Variants in VRK2 observed in about 807,000 individuals in gnomAD.
VRK2 encodes VRK serine/threonine kinase 2, also known as serine/threonine-protein kinase VRK2.
In VRK2, 60 loss-of-function variants were observed where a neutral mutation model predicts 57.6. That is an observed-to-expected ratio of 1.04 (90% confidence interval 0.85 to 1.29). VRK2 has a LOEUF of 1.29. Ranked by LOEUF, VRK2 falls within the 50% of genes most tolerant of loss-of-function variation. The pLI, the probability that VRK2 is intolerant of heterozygous loss-of-function variation, is 0.00. For synonymous variants in VRK2, 231 were observed against 199.2 expected (o/e 1.16, Z -1.35); for missense variants, 705 against 588.1 (o/e 1.20, Z -2.06).
intron 10 of VRK2, among the ~76,000 whole-genome samples, chr2:58,137,247 A>T (rs1362893199): frequency 7.2e-6 from 1 of 139,002 alleles, no homozygotes; most frequent in African/African-American, 3.0e-5. Context: ...TATATCATAT[A>T]TATGATATAT....
intron 1 of VRK2, among the ~76,000 whole-genome samples, chr2:57,921,619 T>C (rs531802765): frequency 1.9e-4 from 29 of 152,136 alleles, no homozygotes; most frequent in Non-Finnish European, 4.0e-4. Flanking sequence ...TAAAAAAATT[T>C]TGAAAGGTGC....
intron 1 of VRK2, among the ~76,000 whole-genome samples, chr2:57,998,370 G>T (rs1297057334): frequency 2.0e-5 from 3 of 152,038 alleles, no homozygotes; most frequent in African/African-American, 7.2e-5. Context: ...ATGTTTCCTT[G>T]ATTTAGTAGC....
At chr2:57,936,023 A>C (rs1670893133) in intron 1 of VRK2, among the ~76,000 whole-genome samples, 1 of 152,158 alleles carries the variant, frequency 6.6e-6, no homozygotes, top group African/African-American at 2.4e-5. Context: ...GGGAGAAGGA[A>C]GTGATGGTAG....
rs376642462 is a variant in VRK2, at chr2:58,096,670, T to C, written c.543+6947T>C. Among the ~76,000 whole-genome samples the C allele has an allele frequency of 2.0e-4, 31 of 151,994 alleles. No individual in the cohort carries two copies. In the South Asian group the frequency reaches 6.4e-3, roughly 32 times the overall value. ...TTGTTAATTTTTCAACAAAGTTCAA[T>C]TTTGACTCATTAATGAGATTTTTTC... On this transcript the variant is annotated intron_variant, in intron 7 of 12. Transcript: ENST00000340157.
rs537095941 is a variant in VRK2, at chr2:57,928,889, T to A, written c.-439+21050T>A. ...AGACAGAGATTTTTGTTCTCTTCCC[T>A]TACTTTCTCCCAAACAAGTGGAGTC... On this transcript the variant is annotated intron_variant, in intron 1 of 15. Transcript: ENST00000417641. Among the ~76,000 whole-genome samples the A allele has an allele frequency of 5.2e-4, 79 of 152,304 alleles. 2 individuals carry two copies. The South Asian group carries it at 7.5e-3, about 14-fold the overall frequency.
intron 1 of VRK2, among the ~76,000 whole-genome samples, chr2:57,944,566 C>G (rs1053038055): frequency 2.0e-5 from 3 of 152,170 alleles, no homozygotes; most frequent in Admixed American, 6.5e-5. Context: ...GAAACCCCGT[C>G]TCTACTAAAA....
chr2:58,047,267 G>T (rs1222053481), intron 1 of VRK2: 1 of 343,648 alleles, frequency 2.9e-6, no homozygotes, highest in Non-Finnish European at 4.1e-6. Flanking sequence ...GTTACCTTCC[G>T]CAGGGTCAGG....
Position 58,159,654 on chromosome 2 carries a change from C to T in VRK2, c.1488C>T (p.Val496=), listed in dbSNP as rs780745258. ...DVYYYRIIIP[V]LLMLVFLALF... ...ATTATTATCGCATCATCATACCTGT[C>T]CTTTTGATGTTAGTATTTCTTGCTT... is the stretch of plus-strand genomic sequence containing the variant. The change falls in exon 13 of 13, where the codon GTC becomes GTT. Residue 496 remains valine (V), a synonymous_variant. Coordinates refer to ENST00000340157, the MANE Select transcript of VRK2 (RefSeq NM_006296.7). The T allele has an allele frequency of 5.0e-6, 8 of 1,613,432 alleles. No homozygotes were observed. In the South Asian group the frequency reaches 7.7e-5, roughly 16 times the overall value.
chr2:58,086,793 T>C (rs1051137007), intron 5 of VRK2, among the ~76,000 whole-genome samples: 3 of 152,198 alleles, frequency 2.0e-5, no homozygotes, highest in African/African-American at 7.2e-5. Flanking sequence ...GGTCTTTGCA[T>C]AAGCTACCTG....
intron 12 of VRK2, among the ~76,000 whole-genome samples, chr2:58,158,365 A>G (rs1304342641): frequency 1.3e-5 from 2 of 152,140 alleles, no homozygotes. Flanking sequence ...ACTCTCAAGT[A>G]ATTTTTTTTC....
chr2:58,095,041 A>G (rs1231887138), intron 7 of VRK2, among the ~76,000 whole-genome samples: 1 of 152,176 alleles, frequency 6.6e-6, no homozygotes, highest in Admixed American at 6.5e-5. Flanking sequence ...CACGCCTGTA[A>G]TCTCAGCACT....
chr2:57,993,513 A>G (rs932117060), intron 1 of VRK2, among the ~76,000 whole-genome samples: 1 of 152,166 alleles, frequency 6.6e-6, no homozygotes, highest in Admixed American at 6.5e-5. Context: ...AAACTGTTTT[A>G]AAATGCTAAA....
At chr2:57,968,214 C>T (rs756890503) in intron 1 of VRK2, among the ~76,000 whole-genome samples, 1 of 151,552 alleles carries the variant, frequency 6.6e-6, no homozygotes, top group Non-Finnish European at 1.5e-5. Flanking sequence ...CTTTAGTATG[C>T]TGAAGAAAAA....
At chr2:58,005,481 T>A (rs944460258) in intron 1 of VRK2, among the ~76,000 whole-genome samples, 12 of 152,090 alleles carry the variant, frequency 7.9e-5, no homozygotes, top group Non-Finnish European at 1.8e-4. Flanking sequence ...TTGGATTATA[T>A]GTTGCTTTTA....
intron 1 of VRK2, among the ~76,000 whole-genome samples, chr2:57,985,749 G>A (rs1219241221): frequency 6.6e-6 from 1 of 151,864 alleles, no homozygotes; most frequent in Admixed American, 6.6e-5. Flanking sequence ...CATCCATATT[G>A]GAAAATTCAA....
At chr2:58,002,302 C>T (rs1429113509) in intron 1 of VRK2, among the ~76,000 whole-genome samples, 1 of 152,086 alleles carries the variant, frequency 6.6e-6, no homozygotes, top group East Asian at 1.9e-4. Flanking sequence ...CATTGTGAAA[C>T]CCCATTTCCA....
intron 1 of VRK2, among the ~76,000 whole-genome samples, chr2:57,928,376 CTTGA>C (rs1670611890): frequency 6.6e-6 from 1 of 151,970 alleles, no homozygotes; most frequent in Non-Finnish European, 1.5e-5. Flanking sequence ...AGAATTTCTG[CTTGA>C]TTTTTTAACT....
chr2:58,057,031 T>A (rs1676625757), intron 2 of VRK2, among the ~76,000 whole-genome samples: 1 of 152,164 alleles, frequency 6.6e-6, no homozygotes, highest in South Asian at 2.1e-4. Context: ...ACCTCATTAT[T>A]TCAGACGGTC....
chr2:57,944,639 G>C (rs969800784), intron 1 of VRK2, among the ~76,000 whole-genome samples: 1 of 152,152 alleles, frequency 6.6e-6, no homozygotes, highest in Non-Finnish European at 1.5e-5. Context: ...TGGAGGCTGA[G>C]GCAGGAGAAT....
Sources: gnomAD v4.1 joint callset for allele counts (sites outside exome capture counted in the v4.1 genomes callset) on GRCh38, gnomAD v4.1.1 for gene constraint, MANE v1.5 for transcripts, NCBI Gene and HGNC (gene_info 2026-07-23, HGNC 2026-07-21) for gene names.